CIAO3: variants seen among roughly 807,000 people sequenced by gnomAD.
CIAO3 encodes cytosolic iron-sulfur assembly component 3.
In CIAO3, 45 loss-of-function variants were observed where a neutral mutation model predicts 51.5. The ratio of observed to expected loss-of-function variants is 0.87; its 90% CI spans 0.69 to 1.12. The LOEUF (loss-of-function observed/expected upper bound fraction) is 1.12, where lower values mean the gene tolerates loss of function less well. CIAO3 is among the 50% of genes most tolerant of loss of function. The probability of loss-of-function intolerance (pLI) is 0.00; values close to 1 mark genes in which losing one functional copy is unlikely to be tolerated. For missense variants in CIAO3, 668 were observed against 632.5 expected (o/e 1.06, Z -0.60); for synonymous variants, 314 against 269.3 (o/e 1.17, Z -1.63).
At chr16:739,861 A>G in intron 1 of CIAO3, 123 bp from the exon 2 acceptor site, 2 of 1,242,572 alleles carry the variant, frequency 1.6e-6, no homozygotes, top group South Asian at 1.3e-5. Context: ...CCATGCACTC[A>G]GGGACTGAGG....
At chr16:738,143 G>A (rs2041357516) in intron 2 of CIAO3, 4 of 1,009,218 alleles carry the variant, frequency 4.0e-6, no homozygotes, top group Non-Finnish European at 4.7e-6. Flanking sequence ...AGGGTGCTGG[G>A]CAGAGGCTGA....
Position 740,924 on chromosome 16 carries a change from G to A in CIAO3, c.62C>T (p.Ser21Phe), listed in dbSNP as rs1287164290. The change falls in exon 1 of 11, where the codon TCT becomes TTT. Residue 21 changes from serine to phenylalanine, a missense_variant. By Grantham distance (155) the Ser-to-Phe change is radical (BLOSUM62 -2). Coordinates refer to ENST00000251588, the MANE Select transcript of CIAO3 (RefSeq NM_022493.3). ...CGCCCGCCCAGGCCGGCCCACCTGA[G>A]ACGGCCCGATGAAGTCATCCAGGTC... ...LTDLDDFIGPSQECIKPVKVE... is the reference protein window; with the variant it reads ...LTDLDDFIGPFQECIKPVKVE... The A allele has an allele frequency of 5.2e-6, 8 of 1,528,878 alleles. No individual in the cohort carries two copies. The highest frequency in any genetic ancestry group is 2.5e-5 in the East Asian group (1 of 39,404). 94.7% of individuals were successfully genotyped at this position (1,528,878 alleles called of 1,614,324 possible). A position where few individuals can be genotyped will look rare whatever the true frequency, so the allele number is the denominator to read the frequency against.
At position 734,048 on chromosome 16, in the gene CIAO3, G is replaced by A. The variant is rs989097594; in HGVS notation, c.693+181C>T. ...GCAGTGAGCACCTCTGGATCAGAAC[G>A]AAGCCCTCTGCTGCAGAAGAGGAAG... On this transcript the variant is annotated intron_variant, in intron 6 of 10. Transcript: ENST00000251588. 11 of 612,234 alleles carry A rather than the reference G, an allele frequency of 1.8e-5. No homozygotes were observed. In the Admixed American group the frequency reaches 2.0e-4, roughly 11 times the overall value. 37.9% of individuals were successfully genotyped at this position (612,234 alleles called of 1,614,324 possible). A position where few individuals can be genotyped will look rare whatever the true frequency, so the allele number is the denominator to read the frequency against.
intron 4 of CIAO3, 71 bp downstream of exon 4, chr16:736,195 C>G: frequency 6.3e-7 from 1 of 1,589,862 alleles, no homozygotes. Flanking sequence ...CTCAGAGGCG[C>G]GAGGGGCCTG....
intron 3 of CIAO3, chr16:736,855 G>T: frequency 5.6e-6 from 2 of 355,544 alleles, no homozygotes; most frequent in Non-Finnish European, 1.1e-5. Context: ...GTAGAGACGG[G>T]GTTTCACCAT....
At chr16:731,885 T>TTC in intron 8 of CIAO3, 183 bp from the exon 9 acceptor site, 1 of 818,880 alleles carries the variant, frequency 1.2e-6, no homozygotes, top group African/African-American at 1.7e-5. Flanking sequence ...GTTTTTTTTT[T>TTC]TGAGACGGAG....
chr16:739,825 G>GCA (rs2041374035), intron 1 of CIAO3, 87 bp from the exon 2 acceptor site: 1 of 1,407,418 alleles, frequency 7.1e-7, no homozygotes, highest in African/African-American at 1.4e-5. Flanking sequence ...CTGCCCAGCC[G>GCA]CACAGCCTGA....
intron 7 of CIAO3, chr16:732,669 C>T (rs1351466948): frequency 4.6e-6 from 2 of 432,830 alleles, no homozygotes; most frequent in South Asian, 3.8e-5. Context: ...CGGAGTCTCA[C>T]TCTGCCGCCC....
chr16:735,887 G>A (rs922403747), intron 4 of CIAO3, among the ~76,000 whole-genome samples: 2 of 152,164 alleles, frequency 1.3e-5, no homozygotes, highest in African/African-American at 4.8e-5. Context: ...TAGTTAGCTG[G>A]GGGCTCTCAA....
Position 733,306 on chromosome 16 carries a change from AG to A in CIAO3, c.814del (p.Leu272SerfsTer73). ...EHQTRDVDCV[L>X]TTGEVFRLLE... ...GCACGGCGTGACCGCACCTGTTGTG[AG>A]GACACAGTCCACATCCCGTGTCTGG... On this transcript the variant is annotated frameshift_variant, in exon 7 of 11. Coordinates refer to ENST00000251588, the MANE Select transcript of CIAO3 (RefSeq NM_022493.3). LOFTEE classifies it high-confidence loss of function. 1 of 1,613,520 alleles carries A rather than the reference AG, an allele frequency of 6.2e-7. No homozygotes were observed. The highest frequency in any genetic ancestry group is 8.5e-7 in the Non-Finnish European group (1 of 1,179,954).
chr16:731,569 G>T lies in CIAO3; in HGVS notation c.1030C>A (p.Leu344Met). Residue 344 changes from leucine (L) to methionine (M), a missense_variant, in exon 9 of 11, where the codon CTG becomes ATG. Coordinates refer to ENST00000251588, the MANE Select transcript of CIAO3 (RefSeq NM_022493.3). Reference protein sequence around the residue: ...IHVAEVTYKPLRNKDFQEVTL... With the variant: ...IHVAEVTYKPMRNKDFQEVTL... ...GATCTGGCCCATCCCACTGACCTCA[G>T]GGGTTTGTAGGTAACCTCAGCCACA... 6.4e-7 allele frequency: 1 copy of T among 1,565,712 alleles called. No individual in the cohort carries two copies. Among genetic ancestry groups the T allele is most frequent in the East Asian group, 2.4e-5 (1 of 41,820 alleles).
chr16:732,219 G>A (rs2041290559), intron 8 of CIAO3, 82 bp downstream of exon 8: 2 of 1,426,726 alleles, frequency 1.4e-6, no homozygotes, highest in Non-Finnish European at 1.9e-6. Flanking sequence ...CTGCGGGGAG[G>A]CAAGCCCAGA....
At chr16:733,642 T>A in intron 6 of CIAO3, 1 of 633,584 alleles carries the variant, frequency 1.6e-6, no homozygotes, top group Non-Finnish European at 2.6e-6. Context: ...ATTCCCAGTG[T>A]GCCTGCGCTC....
intron 4 of CIAO3, chr16:735,245 G>A: frequency 4.6e-6 from 1 of 219,674 alleles, no homozygotes. Context: ...GCAGCCTGCT[G>A]GACTGGCCCC....
At chr16:734,061 G>T in intron 6 of CIAO3, 168 bp downstream of exon 6, 1 of 642,868 alleles carries the variant, frequency 1.6e-6, no homozygotes, top group Non-Finnish European at 2.8e-6. Flanking sequence ...GCCCTCTGCT[G>T]CAGAAGAGGA....
intron 8 of CIAO3, 151 bp from the exon 9 acceptor site, chr16:731,853 C>G: frequency 9.6e-7 from 1 of 1,036,322 alleles, no homozygotes; most frequent in Non-Finnish European, 1.3e-6. Flanking sequence ...CACCAGCCAT[C>G]ACAGGGGCCC....
intron 4 of CIAO3, 162 bp from the exon 5 acceptor site, chr16:735,033 C>A: frequency 1.0e-6 from 1 of 956,330 alleles, no homozygotes; most frequent in Non-Finnish European, 1.5e-6. Context: ...AGCCACGTTG[C>A]GCCAAAGCCC....
intron 6 of CIAO3, chr16:733,794 A>C: frequency 2.7e-6 from 1 of 375,082 alleles, no homozygotes; most frequent in South Asian, 2.3e-5. Flanking sequence ...GTCAGGCAAG[A>C]GGTGCCGCAG....
rs1270714360 is a variant in CIAO3 at position 734,357 on chromosome 16, CA to C, written c.575-11del. On this transcript the variant is annotated splice_polypyrimidine_tract_variant and intron_variant, in intron 5 of 10. Transcript: ENST00000251588. ...GCATAGCAGATCCAGCCTGAGGTGA[CA>C]GGGGGCACACGGGGCTGGCGGGGGC... 1.4e-5 allele frequency: 22 copies of C among 1,600,080 alleles called. No individual in the cohort carries two copies. The highest frequency in any genetic ancestry group is 1.1e-4 in the East Asian group (5 of 44,746).
Sources: allele counts gnomAD v4.1 joint callset (sites outside exome capture counted in the v4.1 genomes callset), GRCh38; gene constraint gnomAD v4.1.1; transcripts MANE v1.5; gene names NCBI Gene and HGNC (gene_info 2026-07-23, HGNC 2026-07-21).